Variants in CSMD3 observed in about 807,000 individuals in gnomAD.
CSMD3 encodes the protein CUB and Sushi multiple domains 3.
Under a neutral mutation model 435.2 loss-of-function variants are expected in CSMD3, and 177 were observed. The observed-to-expected ratio is 0.41, with a 90% CI of 0.36 to 0.46. The LOEUF is 0.46. CSMD3 is among the 20% of genes least tolerant of loss of function. The pLI is 0.34. For synonymous variants in CSMD3, 1,656 were observed against 1,520.5 expected, an observed-to-expected ratio of 1.09 and a Z score of -2.07; for missense variants, 4,265 against 4,504.6, an observed-to-expected ratio of 0.95 and a Z score of 1.52.
At chr8:113,239,689 G>A (rs528898743) in intron 3 of CSMD3, among the ~76,000 whole-genome samples, 8 of 152,092 alleles carry the variant, frequency 5.3e-5, no homozygotes, top group East Asian at 1.9e-4. Flanking sequence ...TTGGAGTTTC[G>A]TGGTAGTAAA....
intron 13 of CSMD3, among the ~76,000 whole-genome samples, chr8:112,741,197 C>G (rs1441215797): frequency 6.6e-6 from 1 of 151,770 alleles, no homozygotes; most frequent in Admixed American, 6.6e-5. Flanking sequence ...TAGTAGAAAA[C>G]ATTTACAAAC....
At chr8:113,356,305 GA>G (rs1200847848) in intron 1 of CSMD3, among the ~76,000 whole-genome samples, 1 of 152,006 alleles carries the variant, frequency 6.6e-6, no homozygotes, top group African/African-American at 2.4e-5. Context: ...CACAGAGGAG[GA>G]AAAAAATTGG....
intron 1 of CSMD3, among the ~76,000 whole-genome samples, chr8:113,370,317 G>A (rs1455447750): frequency 6.6e-6 from 1 of 151,586 alleles, no homozygotes; most frequent in Non-Finnish European, 1.5e-5. Context: ...AGAGTGGCAA[G>A]TTGTTGAATA....
intron 70 of CSMD3, among the ~76,000 whole-genome samples, chr8:112,226,708 A>T (rs1812593237): frequency 6.6e-6 from 1 of 152,184 alleles, no homozygotes; most frequent in Non-Finnish European, 1.5e-5. Context: ...TTACAACCAA[A>T]TAAGACAAAC....
At chr8:112,350,274 C>CTTTTTT (rs201171217) in intron 40 of CSMD3, among the ~76,000 whole-genome samples, 2 of 121,266 alleles carry the variant, frequency 1.6e-5, no homozygotes, top group Non-Finnish European at 1.7e-5. Context: ...AAGTCATGGA[C>CTTTTTT]TTTTTTTTTT....
At chr8:113,374,162 A>C (rs1440926781) in intron 1 of CSMD3, among the ~76,000 whole-genome samples, 1 of 152,078 alleles carries the variant, frequency 6.6e-6, no homozygotes, top group African/African-American at 2.4e-5. Context: ...AATGCAGAGA[A>C]CAATCATATA....
intron 30 of CSMD3, among the ~76,000 whole-genome samples, chr8:112,503,379 A>C (rs1822180301): frequency 6.6e-6 from 1 of 152,242 alleles, no homozygotes; most frequent in African/African-American, 2.4e-5. Context: ...GATGGCACCC[A>C]GCTTACATAT....
rs947855999 is a variant in CSMD3 at position 113,026,533 on chromosome 8, A to G, written c.918-7354T>C. ...TACTTTACTTAGTGATAAGTTTTCT[A>G]TGTTTCCTATTATTTTACATTTTCT... On this transcript the variant is annotated intron_variant, in intron 5 of 70. Coordinates refer to ENST00000297405, the MANE Select transcript of CSMD3 (RefSeq NM_198123.2). Among the ~76,000 whole-genome samples, 7 of 152,232 alleles carry G rather than the reference A, an allele frequency of 4.6e-5. 1 individual carries two copies. Among genetic ancestry groups the G allele is most frequent in the Admixed American group, 3.9e-4 (6 of 15,284 alleles).
In CSMD3 at chr8:112,654,025, A is replaced by G. The variant is rs995042891; in HGVS notation, c.3004+2129T>C. Among the ~76,000 whole-genome samples the G allele has an allele frequency of 1.7e-4, 24 of 138,784 alleles. 1 individual carries two copies. In the East Asian group the frequency reaches 4.4e-3, roughly 26 times the overall value. The allele number at this position is 138,784 out of a possible 152,430, so 91.0% of individuals were successfully genotyped here. A position where few individuals can be genotyped will look rare whatever the true frequency, so the allele number is the denominator to read the frequency against. ...GGGGCAGATAGAATGGGGTAAAAAA[A>G]AAGAATGGGGTAAAAAATATAACAG... On this transcript the variant is annotated intron_variant, in intron 18 of 70. Transcript: ENST00000297405.
At chr8:112,376,498 G>C (rs1828952471) in intron 38 of CSMD3, among the ~76,000 whole-genome samples, 1 of 152,048 alleles carries the variant, frequency 6.6e-6, no homozygotes, top group South Asian at 2.1e-4. Flanking sequence ...TGCAGCTGTT[G>C]TTCGCTCCCA....
intron 9 of CSMD3, among the ~76,000 whole-genome samples, chr8:112,942,133 C>T (rs1220390044): frequency 6.6e-6 from 1 of 150,984 alleles, no homozygotes; most frequent in African/African-American, 2.4e-5. Flanking sequence ...TCCTGACAAC[C>T]AGTGTTTTTT....
rs1005831544 is a variant in CSMD3 at position 112,570,260 on chromosome 8, T to C, written c.4042+3241A>G. Among the ~76,000 whole-genome samples the C allele has an allele frequency of 5.9e-5, 9 of 152,294 alleles. No homozygotes were observed. The East Asian group carries it at 1.3e-3, about 23-fold the overall frequency. ...ATGACATCTTAATTCATCAAGAGTA[T>C]GTAAAAAGATACAATTGAACTAAAT... On this transcript the variant is annotated intron_variant, in intron 24 of 70. Transcript: ENST00000297405.
chr8:113,131,023 C>G (rs1158724615), intron 4 of CSMD3, among the ~76,000 whole-genome samples: 4 of 152,190 alleles, frequency 2.6e-5, no homozygotes, highest in Middle Eastern at 6.8e-3. Flanking sequence ...GCAAAGTGTT[C>G]AAGAAGTAAC....
intron 6 of CSMD3, among the ~76,000 whole-genome samples, chr8:113,013,871 A>G (rs2086353559): frequency 6.6e-6 from 1 of 152,138 alleles, no homozygotes; most frequent in Admixed American, 6.6e-5. Context: ...GTTTGCAGAC[A>G]GTGTTCCAGA....
chr8:112,915,483 C>A (rs1347639625), intron 10 of CSMD3, among the ~76,000 whole-genome samples: 1 of 151,476 alleles, frequency 6.6e-6, no homozygotes, highest in Non-Finnish European at 1.5e-5. Flanking sequence ...ATATTTATTT[C>A]CCATTTGAAA....
Position 112,352,516 on chromosome 8 carries a change from C to T in CSMD3, c.6155G>A (p.Cys2052Tyr). The T allele has an allele frequency of 6.2e-7, 1 of 1,613,234 alleles. No individual in the cohort carries two copies. The highest frequency in any genetic ancestry group is 8.5e-7 in the Non-Finnish European group (1 of 1,179,458). The change falls in exon 39 of 71, where the codon TGT (cysteine) becomes TAT (tyrosine). Residue 2052 changes from cysteine (C) to tyrosine (Y), a missense_variant. Cys to Tyr is a radical substitution (Grantham distance 194). Coordinates refer to ENST00000297405, the MANE Select transcript of CSMD3 (RefSeq NM_198123.2). Reference sequence around the variant, plus strand: ...ACTGCTAGGAGTTTGTGGTTCAGGACAGGAATCCAAACCAATTGCTAAGAA... The same window carrying T: ...ACTGCTAGGAGTTTGTGGTTCAGGATAGGAATCCAAACCAATTGCTAAGAA... ...LEYTAIGLDS[C>Y]PEPQTPSSGI...
chr8:112,880,374 C>T (rs2081413288), intron 10 of CSMD3, among the ~76,000 whole-genome samples: 2 of 151,848 alleles, frequency 1.3e-5, no homozygotes, highest in Non-Finnish European at 2.9e-5. Flanking sequence ...ACAAACAGGC[C>T]CTTGTAATAA....
At chr8:112,245,906 A>T (rs1814680681) in intron 64 of CSMD3, among the ~76,000 whole-genome samples, 2 of 152,204 alleles carry the variant, frequency 1.3e-5, no homozygotes. Context: ...ATTGATAAGG[A>T]AAACTACAGT....
intron 9 of CSMD3, among the ~76,000 whole-genome samples, chr8:112,934,731 T>C (rs895136958): frequency 7.9e-5 from 12 of 151,998 alleles, no homozygotes; most frequent in African/African-American, 2.7e-4. Context: ...CCTGGGAGCC[T>C]GGAAAAAAAA....
Sources: gnomAD v4.1 joint callset for allele counts (sites outside exome capture counted in the v4.1 genomes callset) on GRCh38, gnomAD v4.1.1 for gene constraint, MANE v1.5 for transcripts, NCBI Gene and HGNC (gene_info 2026-07-23, HGNC 2026-07-21) for gene names.